Variants in FAM135B observed in about 807,000 individuals in gnomAD.
The protein encoded by FAM135B is family with sequence similarity 135 member B.
In FAM135B, 43 loss-of-function variants were observed where a neutral mutation model predicts 127.7. The observed-to-expected ratio is 0.34, with a 90% CI of 0.26 to 0.43. The LOEUF (loss-of-function observed/expected upper bound fraction) is 0.43. FAM135B is among the 20% of genes least tolerant of loss of function. FAM135B has a pLI of 1.00. For missense variants in FAM135B, 1,558 were observed against 1,725.6 expected, an observed-to-expected ratio of 0.90 and a Z score of 1.72; for synonymous variants, 670 against 665.1, an observed-to-expected ratio of 1.01 and a Z score of -0.11.
At chr8:138,157,477 T>C (rs562716625) in intron 12 of FAM135B, among the ~76,000 whole-genome samples, 152 of 152,252 alleles carry the variant, frequency 1.0e-3, no homozygotes, top group Middle Eastern at 3.4e-3. Context: ...AAATAAAGGG[T>C]ATTCAATTAG....
chr8:138,347,260 C>T (rs751881036), intron 2 of FAM135B, among the ~76,000 whole-genome samples: 2 of 152,146 alleles, frequency 1.3e-5, no homozygotes, highest in Non-Finnish European at 2.9e-5. Flanking sequence ...GGTCTCGATG[C>T]TTTCTATATG....
At chr8:138,139,170 G>T in intron 17 of FAM135B, 74 bp from the exon 18 acceptor site, 1 of 891,636 alleles carries the variant, frequency 1.1e-6, no homozygotes, top group Non-Finnish European at 1.8e-6. Context: ...GAATTTTGGT[G>T]AGATGAACGT....
At chr8:138,377,136 C>A (rs1831528688) in intron 1 of FAM135B, among the ~76,000 whole-genome samples, 1 of 152,060 alleles carries the variant, frequency 6.6e-6, no homozygotes, top group African/African-American at 2.4e-5. Context: ...TGCAATTTTT[C>A]TTTAAAACGT....
rs1386113654 is a variant in FAM135B at position 138,239,905 on chromosome 8, A to C, written c.669+3037T>G. 5.3e-5 allele frequency among the ~76,000 whole-genome samples: 8 copies of C among 151,842 alleles called. No individual in the cohort carries two copies. The East Asian group carries it at 1.6e-3, about 29-fold the overall frequency. Reference sequence around the variant, plus strand: ...TTAGCAAACTATTGCAAGGACAAAAAACCAAACACCGCATGTTCTCACTCA... The same window carrying C: ...TTAGCAAACTATTGCAAGGACAAAACACCAAACACCGCATGTTCTCACTCA... On this transcript the variant is annotated intron_variant, in intron 7 of 19. Coordinates refer to ENST00000395297, the MANE Select transcript of FAM135B (RefSeq NM_015912.4).
chr8:138,385,698 GC>G (rs1270385084), intron 1 of FAM135B, among the ~76,000 whole-genome samples: 1 of 152,070 alleles, frequency 6.6e-6, no homozygotes, highest in Non-Finnish European at 1.5e-5. Context: ...TGTAATCCCA[GC>G]TACTCTGGAG....
At chr8:138,296,891 A>G (rs1018737674) in intron 3 of FAM135B, among the ~76,000 whole-genome samples, 4 of 152,138 alleles carry the variant, frequency 2.6e-5, no homozygotes, top group African/African-American at 9.7e-5. Flanking sequence ...TATCTAGCAA[A>G]TGTTCACACT....
intron 3 of FAM135B, among the ~76,000 whole-genome samples, chr8:138,286,492 A>G (rs1824699819): frequency 6.6e-6 from 1 of 152,258 alleles, no homozygotes; most frequent in African/African-American, 2.4e-5. Context: ...CGGCCTACTC[A>G]GAAAGCTTGG....
At chr8:138,196,414 C>T (rs1816630000) in intron 8 of FAM135B, among the ~76,000 whole-genome samples, 1 of 152,158 alleles carries the variant, frequency 6.6e-6, no homozygotes, top group African/African-American at 2.4e-5. Flanking sequence ...GCTCCAGATT[C>T]AATTCAACAA....
At chr8:138,451,714 G>T (rs1267500122) in intron 1 of FAM135B, among the ~76,000 whole-genome samples, 1 of 152,194 alleles carries the variant, frequency 6.6e-6, no homozygotes, top group African/African-American at 2.4e-5. Context: ...TTTCACTGCA[G>T]ATGTGCTCCT....
At chr8:138,238,302 A>G (rs969658101) in intron 7 of FAM135B, among the ~76,000 whole-genome samples, 8 of 152,166 alleles carry the variant, frequency 5.3e-5, no homozygotes, top group Non-Finnish European at 1.0e-4. Flanking sequence ...AGCTTATTTC[A>G]TTTAATCCTC....
chr8:138,436,970 C>T (rs952823352), intron 1 of FAM135B: 2 of 152,170 alleles, frequency 1.3e-5, no homozygotes, highest in Non-Finnish European at 2.9e-5. Flanking sequence ...CAGATCAATA[C>T]TGATAAACAG....
intron 13 of FAM135B, among the ~76,000 whole-genome samples, chr8:138,149,780 T>A (rs1345882461): frequency 6.6e-6 from 1 of 152,128 alleles, no homozygotes; most frequent in Non-Finnish European, 1.5e-5. Context: ...AATTAGGTGC[T>A]TCTCCTTTTG....
chr8:138,165,426 A>T (rs1461791406), intron 12 of FAM135B, among the ~76,000 whole-genome samples: 2 of 152,104 alleles, frequency 1.3e-5, no homozygotes, highest in Non-Finnish European at 2.9e-5. Flanking sequence ...GGCCAAGGGA[A>T]CTAATTTATT....
intron 2 of FAM135B, among the ~76,000 whole-genome samples, chr8:138,333,796 G>A (rs945566690): frequency 1.3e-5 from 2 of 152,264 alleles, no homozygotes. Context: ...TCCTTGCTAC[G>A]AGAACTGTTG....
chr8:138,391,360 C>T (rs1472970577), intron 1 of FAM135B, among the ~76,000 whole-genome samples: 3 of 151,860 alleles, frequency 2.0e-5, no homozygotes, highest in African/African-American at 4.8e-5. Flanking sequence ...GCATGATCTC[C>T]CCTCAGTCCC....
intron 2 of FAM135B, among the ~76,000 whole-genome samples, chr8:138,336,209 G>A (rs112679417): frequency 6.6e-6 from 1 of 151,900 alleles, no homozygotes; most frequent in Admixed American, 6.6e-5. Context: ...AGAGAAGCAA[G>A]AGCAAACACA....
chr8:138,291,314 G>C (rs1021677099), intron 3 of FAM135B, among the ~76,000 whole-genome samples: 3 of 152,138 alleles, frequency 2.0e-5, no homozygotes, highest in Non-Finnish European at 4.4e-5. Context: ...TAAGGCAAGA[G>C]ACAAAGACAC....
At chr8:138,358,687 T>C (rs905975382) in intron 2 of FAM135B, 3 of 152,218 alleles carry the variant, frequency 2.0e-5, no homozygotes, top group Non-Finnish European at 2.9e-5. Flanking sequence ...TGATTTTCTA[T>C]TATCCTACCT....
intron 2 of FAM135B, among the ~76,000 whole-genome samples, chr8:138,331,928 A>C (rs544323162): frequency 6.6e-6 from 1 of 152,246 alleles, no homozygotes; most frequent in African/African-American, 2.4e-5. Flanking sequence ...AGGTCCCAGA[A>C]CCACCCCTAA....
Sources: allele counts gnomAD v4.1 joint callset (sites outside exome capture counted in the v4.1 genomes callset), GRCh38; gene constraint gnomAD v4.1.1; transcripts MANE v1.5; gene names NCBI Gene and HGNC (gene_info 2026-07-23, HGNC 2026-07-21).